AGBL4: variants seen among roughly 807,000 people sequenced by gnomAD.
The protein encoded by AGBL4 is cytosolic carboxypeptidase 6.
In AGBL4, 58 loss-of-function variants were observed where a neutral mutation model predicts 66.4. That is an observed-to-expected ratio of 0.87 (90% CI 0.71 to 1.09). AGBL4 has a LOEUF of 1.09. AGBL4 is among the 50% of genes least tolerant of loss of function. The probability of loss-of-function intolerance (pLI) is 0.00; values close to 1 mark genes in which losing one functional copy is unlikely to be tolerated. For missense variants in AGBL4, 579 were observed against 631.0 expected (o/e 0.92, Z 0.88); for synonymous variants, 234 against 222.9 (o/e 1.05, Z -0.44).
intron 2 of AGBL4, among the ~76,000 whole-genome samples, chr1:49,701,382 T>C (rs758978345): frequency 7.2e-5 from 11 of 151,998 alleles, no homozygotes; most frequent in Non-Finnish European, 1.3e-4. Context: ...AGTAATAATA[T>C]ATAAAGAAAG....
rs555428029 is a variant in AGBL4 at position 48,821,892 on chromosome 1, G to T, written c.634+45299C>A. Among the ~76,000 whole-genome samples, 68 of 152,236 alleles carry T rather than the reference G, an allele frequency of 4.5e-4. 1 individual carries two copies. The highest frequency in any genetic ancestry group is 1.6e-3 in the African/African-American group (65 of 41,556). ...ATAACAAAGAGACGATCCAATTTTG[G>T]TAAGAGCAAAAGATTGAACAGACAT... On this transcript the variant is annotated intron_variant, in intron 6 of 13. Transcript: ENST00000371839.
chr1:49,184,005 G>T, intron 4 of AGBL4, among the ~76,000 whole-genome samples: 1 of 152,110 alleles, frequency 6.6e-6, no homozygotes, highest in East Asian at 1.9e-4. Context: ...GGCCCAGAAA[G>T]GTGAAGGTTT....
intron 3 of AGBL4, among the ~76,000 whole-genome samples, chr1:49,549,467 T>G (rs1652781584): frequency 3.9e-5 from 6 of 152,182 alleles, no homozygotes; most frequent in Admixed American, 1.3e-4. Context: ...CCAGAGGTTT[T>G]GATAGGTTGT....
chr1:49,593,558 G>A (rs763913199), intron 3 of AGBL4, among the ~76,000 whole-genome samples: 23 of 152,060 alleles, frequency 1.5e-4, no homozygotes, highest in Non-Finnish European at 2.6e-4. Flanking sequence ...AATAAGGCAG[G>A]ACTTAAATTA....
chr1:49,621,851 G>A (rs1277364891), intron 3 of AGBL4, among the ~76,000 whole-genome samples: 7 of 152,280 alleles, frequency 4.6e-5, no homozygotes, highest in African/African-American at 7.2e-5. Context: ...TCCTTCTCCT[G>A]TCTCTGTTAG....
chr1:49,587,112 G>A (rs574344888), intron 3 of AGBL4, among the ~76,000 whole-genome samples: 71 of 152,158 alleles, frequency 4.7e-4, no homozygotes, highest in African/African-American at 1.2e-3. Context: ...CAGGTGTAGT[G>A]GCATATGCCT....
chr1:49,632,846 C>T (rs535264673), intron 3 of AGBL4, among the ~76,000 whole-genome samples: 13 of 152,032 alleles, frequency 8.6e-5, no homozygotes, highest in Admixed American at 4.6e-4. Context: ...TGTGCCTAGG[C>T]GGGCTGATCA....
At chr1:48,674,951 G>A (rs1308754801) in intron 6 of AGBL4, among the ~76,000 whole-genome samples, 5 of 151,976 alleles carry the variant, frequency 3.3e-5, no homozygotes, top group East Asian at 1.9e-4. Flanking sequence ...TTTCTGTCCC[G>A]CTTTTCCCCT....
chr1:49,666,684 T>C (rs76174017), intron 3 of AGBL4, among the ~76,000 whole-genome samples: 2,768 of 152,204 alleles, frequency 0.018, 34 homozygotes, highest in Non-Finnish European at 0.03. Context: ...CAAAAATAGA[T>C]GAGAGCTAAA....
At chr1:49,117,983 T>C (rs6697624) in intron 4 of AGBL4, among the ~76,000 whole-genome samples, 15,506 of 152,170 alleles carry the variant, frequency 0.1, 1,288 homozygotes, top group African/African-American at 0.22. Context: ...TTTGTAGCAA[T>C]TGTGAATGGG....
chr1:48,834,761 G>T (rs996647730), intron 6 of AGBL4, among the ~76,000 whole-genome samples: 23 of 152,286 alleles, frequency 1.5e-4, no homozygotes, highest in Admixed American at 7.2e-4. Context: ...CAGGCAAAGA[G>T]TTAGGAAACT....
intron 5 of AGBL4, among the ~76,000 whole-genome samples, chr1:48,973,182 G>T (rs1038992699): frequency 2.0e-5 from 3 of 152,054 alleles, no homozygotes; most frequent in African/African-American, 7.2e-5. Flanking sequence ...TTTTCACTAA[G>T]TTATTGTGGT....
intron 3 of AGBL4, among the ~76,000 whole-genome samples, chr1:49,323,821 C>A (rs535904779): frequency 6.6e-6 from 1 of 151,196 alleles, no homozygotes; most frequent in South Asian, 2.1e-4. Flanking sequence ...ACTTCTAGAT[C>A]CAGTTCAAAA....
chr1:49,187,099 A>G (rs1162715661), intron 4 of AGBL4: 1 of 152,190 alleles, frequency 6.6e-6, no homozygotes, highest in Non-Finnish European at 1.5e-5. Context: ...ATTCAGAATT[A>G]AGTACAAAGG....
intron 2 of AGBL4, among the ~76,000 whole-genome samples, chr1:49,748,927 A>T (rs1306308543): frequency 1.3e-5 from 2 of 152,072 alleles, no homozygotes; most frequent in Non-Finnish European, 2.9e-5. Flanking sequence ...AGATGGATAG[A>T]TTGCAAAAAT....
chr1:49,177,400 A>T (rs2148178735), intron 4 of AGBL4, among the ~76,000 whole-genome samples: 1 of 152,302 alleles, frequency 6.6e-6, no homozygotes, highest in South Asian at 2.1e-4. Context: ...CATAATCCCC[A>T]AGGAACAATA....
chr1:48,690,221 G>A (rs1646607779), intron 6 of AGBL4, among the ~76,000 whole-genome samples: 1 of 152,234 alleles, frequency 6.6e-6, no homozygotes, highest in African/African-American at 2.4e-5. Context: ...ACTTGCATTA[G>A]TTTCACTGGA....
chr1:49,877,568 T>G (rs1647056783), intron 1 of AGBL4, among the ~76,000 whole-genome samples: 1 of 152,030 alleles, frequency 6.6e-6, no homozygotes, highest in South Asian at 2.1e-4. Context: ...TGCCAGTATT[T>G]TATTGAGGAT....
intron 1 of AGBL4, among the ~76,000 whole-genome samples, chr1:50,009,148 A>G (rs1661346233): frequency 1.3e-5 from 2 of 152,196 alleles, no homozygotes; most frequent in Non-Finnish European, 2.9e-5. Context: ...CTATGAGGCC[A>G]GTATTACCCT....
Sources: gnomAD v4.1 joint callset for allele counts (sites outside exome capture counted in the v4.1 genomes callset) on GRCh38, gnomAD v4.1.1 for gene constraint, MANE v1.5 for transcripts, NCBI Gene and HGNC (gene_info 2026-07-23, HGNC 2026-07-21) for gene names.